The following TAS2R1 variants were observed in gnomAD, a reference collection of about 807,000 sequenced individuals.
TAS2R1 encodes the protein taste 2 receptor member 1.
For missense variants in TAS2R1, 370 were observed against 353.4 expected, an observed-to-expected ratio of 1.05 and a Z score of -0.38; for synonymous variants, 141 against 134.2, an observed-to-expected ratio of 1.05 and a Z score of -0.35.
chr5:9,821,966 G>A, the TAS2R1 span, among the ~76,000 whole-genome samples: 19 of 152,286 alleles, frequency 1.2e-4, no homozygotes, highest in African/African-American at 4.6e-4. Flanking sequence ...TGTCACCTAA[G>A]GCTGGGGCTT....
intron 1 of TAS2R1, among the ~76,000 whole-genome samples, chr5:9,673,820 T>C (rs1403952565): frequency 1.3e-5 from 2 of 152,122 alleles, no homozygotes; most frequent in African/African-American, 2.4e-5. Context: ...CACTTCTCCA[T>C]ACCCTGTCTA....
the TAS2R1 span, among the ~76,000 whole-genome samples, chr5:9,813,820 T>C: frequency 6.6e-6 from 1 of 152,194 alleles, no homozygotes; most frequent in African/African-American, 2.4e-5. Context: ...GCCACATCTG[T>C]CTCTGCCTCC....
the TAS2R1 span, among the ~76,000 whole-genome samples, chr5:9,739,278 C>T: frequency 5.3e-5 from 8 of 152,302 alleles, no homozygotes; most frequent in African/African-American, 1.7e-4. Flanking sequence ...AGGTGAACAG[C>T]GTGCTGGCTT....
At chr5:9,725,826 T>C in the TAS2R1 span, among the ~76,000 whole-genome samples, 1 of 152,174 alleles carries the variant, frequency 6.6e-6, no homozygotes. Context: ...CCTTTATGTC[T>C]AGTTAAGGGA....
chr5:9,857,050 A>G, the TAS2R1 span, among the ~76,000 whole-genome samples: 1 of 152,218 alleles, frequency 6.6e-6, no homozygotes, highest in African/African-American at 2.4e-5. Flanking sequence ...CAAACATTGC[A>G]TGTTCTCACT....
the TAS2R1 span, among the ~76,000 whole-genome samples, chr5:9,834,582 A>G: frequency 1.3e-5 from 2 of 152,184 alleles, no homozygotes; most frequent in African/African-American, 4.8e-5. Flanking sequence ...GATCAAATAG[A>G]GCAAAGCAAC....
the TAS2R1 span, among the ~76,000 whole-genome samples, chr5:9,741,740 A>G: frequency 1.4e-3 from 211 of 152,206 alleles, no homozygotes; most frequent in Non-Finnish European, 2.5e-3. Flanking sequence ...GGTGACCGGG[A>G]CACAGTGGGA....
the TAS2R1 span, among the ~76,000 whole-genome samples, chr5:9,755,903 G>A: frequency 1.3e-5 from 2 of 152,168 alleles, no homozygotes; most frequent in African/African-American, 4.8e-5. Context: ...CTTGGTTTTG[G>A]TGGGTTTTAG....
the TAS2R1 span, among the ~76,000 whole-genome samples, chr5:9,851,176 T>C: frequency 6.6e-6 from 1 of 152,322 alleles, no homozygotes; most frequent in Non-Finnish European, 1.5e-5. Context: ...AAATTATCTA[T>C]AAACCATGTT....
rs1739784625 is a variant in TAS2R1, at chr5:9,627,905, G to T, written c.*1228C>A. 6.6e-6 allele frequency among the ~76,000 whole-genome samples: 1 copy of T among 152,106 alleles called. No homozygotes were observed. The highest frequency in any genetic ancestry group is 1.5e-5 in the Non-Finnish European group (1 of 68,028). On this transcript the variant is annotated 3_prime_UTR_variant, in exon 1 of 1. Coordinates refer to ENST00000382492, the MANE Select transcript of TAS2R1 (RefSeq NM_019599.3). Reference sequence around the variant, plus strand: ...ATCTCCTGAAGCAAAATCCTTCATTGGTGTATTATAACCAGGCCTGCGTGG... The same window carrying T: ...ATCTCCTGAAGCAAAATCCTTCATTTGTGTATTATAACCAGGCCTGCGTGG...
At chr5:9,879,525 T>G in the TAS2R1 span, among the ~76,000 whole-genome samples, 1 of 152,154 alleles carries the variant, frequency 6.6e-6, no homozygotes, top group African/African-American at 2.4e-5. Flanking sequence ...CAACTATCAT[T>G]CTGGTAGACC....
At chr5:9,736,099 G>A in the TAS2R1 span, among the ~76,000 whole-genome samples, 4 of 152,244 alleles carry the variant, frequency 2.6e-5, no homozygotes, top group East Asian at 1.9e-4. Context: ...TTCACTTAAC[G>A]CACAGCTTTG....
chr5:9,684,012 G>T (rs1182800001), intron 1 of TAS2R1, among the ~76,000 whole-genome samples: 1 of 150,300 alleles, frequency 6.7e-6, no homozygotes, highest in African/African-American at 2.5e-5. Flanking sequence ...GACCAGGTCT[G>T]GGCAAAGTGG....
chr5:9,831,627 T>C, the TAS2R1 span, among the ~76,000 whole-genome samples: 5 of 152,072 alleles, frequency 3.3e-5, no homozygotes, highest in African/African-American at 1.2e-4. Context: ...TTCTGTTTTT[T>C]TTTCAAATCG....
chr5:9,672,611 C>G (rs1740791369), intron 1 of TAS2R1, among the ~76,000 whole-genome samples: 1 of 151,886 alleles, frequency 6.6e-6, no homozygotes. Context: ...AAAATGGCTA[C>G]TAATAAAAAG....
intron 1 of TAS2R1, among the ~76,000 whole-genome samples, chr5:9,677,982 G>A (rs1437971645): frequency 2.0e-5 from 3 of 152,090 alleles, no homozygotes; most frequent in Non-Finnish European, 4.4e-5. Flanking sequence ...TGGGAAGATT[G>A]CTTGAGCCCA....
chr5:9,728,218 G>A, the TAS2R1 span, among the ~76,000 whole-genome samples: 20 of 152,278 alleles, frequency 1.3e-4, no homozygotes, highest in East Asian at 3.7e-3. Flanking sequence ...TTGCACAACA[G>A]AGATAATGTA....
chr5:9,629,768 T>G lies in TAS2R1; in HGVS notation c.265A>C (p.Asn89His), dbSNP rs1486295460. The G allele has an allele frequency of 2.5e-6, 4 of 1,613,820 alleles. No individual in the cohort carries two copies. The highest frequency in any genetic ancestry group is 3.4e-6 in the Non-Finnish European group (4 of 1,179,890). ...GTGGCAAGCCAAAGTTCCAATTCAT[T>G]TATAAATAAGAGAATTGCACAATTC... Reference protein sequence around the residue: ...SANCAILLFINELELWLATWL... With the variant: ...SANCAILLFIHELELWLATWL... The change falls in exon 1 of 1, where the codon AAT (asparagine) becomes CAT (histidine). Residue 89 changes from asparagine (N) to histidine (H), a missense_variant. Coordinates refer to ENST00000382492, the MANE Select transcript of TAS2R1 (RefSeq NM_019599.3).
chr5:9,699,068 T>C (rs529390192), intron 1 of TAS2R1, among the ~76,000 whole-genome samples: 3 of 152,296 alleles, frequency 2.0e-5, no homozygotes, highest in East Asian at 3.9e-4. Context: ...TACTTAACTG[T>C]AGGAATTTCA....
Sources: allele counts gnomAD v4.1 joint callset (sites outside exome capture counted in the v4.1 genomes callset), GRCh38; gene constraint gnomAD v4.1.1; transcripts MANE v1.5; gene names NCBI Gene and HGNC (gene_info 2026-07-23, HGNC 2026-07-21).